Variants in RBPJ observed in about 807,000 individuals in gnomAD.
The protein encoded by RBPJ is recombining binding protein suppressor of hairless.
Under a neutral mutation model 67.8 loss-of-function variants are expected in RBPJ, and 9 were observed. That is an observed-to-expected ratio of 0.13 (90% CI 0.08 to 0.23). The LOEUF is 0.23. RBPJ is among the 10% of genes least tolerant of loss of function. RBPJ has a pLI of 1.00. For missense variants in RBPJ, 305 were observed against 595.6 expected, an observed-to-expected ratio of 0.51 and a Z score of 5.08; for synonymous variants, 198 against 203.3, an observed-to-expected ratio of 0.97 and a Z score of 0.22.
At chr4:26,320,080 T>TCA, upstream of RBPJ, among the ~76,000 whole-genome samples, 1 of 152,160 alleles carries the variant, frequency 6.6e-6, no homozygotes, top group South Asian at 2.1e-4. Context: ...ACACCTGGGC[T>TCA]CACACACGGT....
At chr4:26,294,072 GTTTTTGTTTTT>G (rs1721768436) in intron 1 of RBPJ, among the ~76,000 whole-genome samples, 1 of 28,344 alleles carries the variant, frequency 3.5e-5, no homozygotes, top group Non-Finnish European at 8.4e-5. Flanking sequence ...AGTTGTTTTT[GTTTTTGTTTTT>G]GTTTTTGTTT....
intron 1 of RBPJ, among the ~76,000 whole-genome samples, chr4:26,347,028 A>G (rs1726229684): frequency 6.6e-6 from 1 of 152,140 alleles, no homozygotes; most frequent in Non-Finnish European, 1.5e-5. Context: ...AAATTTGTCA[A>G]GAAGGAAAAA....
At chr4:26,199,683 A>C (rs1717913370) in intron 1 of RBPJ, among the ~76,000 whole-genome samples, 1 of 152,110 alleles carries the variant, frequency 6.6e-6, no homozygotes, top group Admixed American at 6.5e-5. Context: ...TCCAACAGCA[A>C]CTCTGGCACA....
Position 26,215,335 on chromosome 4 carries a change from G to A in RBPJ, c.-167+51721G>A, listed in dbSNP as rs1291105399. ...AGAGAAAGAAAGAAAGAAAAAGAGA[G>A]AGAGAAAGAAAGAAAAAAAGAAGGA... On this transcript the variant is annotated intron_variant, in intron 1 of 4. Transcript: ENST00000512351. Among the ~76,000 whole-genome samples the A allele has an allele frequency of 5.8e-5, 3 of 52,084 alleles. No homozygotes were observed. The Admixed American group carries it at 7.8e-4, about 14-fold the overall frequency. 34.2% of individuals were successfully genotyped at this position (52,084 alleles called of 152,430 possible).
intron 3 of RBPJ, among the ~76,000 whole-genome samples, chr4:26,408,756 G>A (rs1050110821): frequency 1.3e-5 from 2 of 152,194 alleles, no homozygotes; most frequent in Admixed American, 6.5e-5. Context: ...CATTAGTTAG[G>A]AATCTGTGGA....
intron 1 of RBPJ, among the ~76,000 whole-genome samples, chr4:26,287,571 A>G (rs1197968540): frequency 2.4e-5 from 1 of 42,474 alleles, no homozygotes; most frequent in African/African-American, 1.5e-4. Flanking sequence ...AAGGAAAGGA[A>G]AGGAAAGGAC....
chr4:26,325,726 T>A (rs1723558591), intron 1 of RBPJ, among the ~76,000 whole-genome samples: 1 of 152,206 alleles, frequency 6.6e-6, no homozygotes, highest in Non-Finnish European at 1.5e-5. Flanking sequence ...TTTGCCATTT[T>A]CTCTCCATAA....
intron 1 of RBPJ, among the ~76,000 whole-genome samples, chr4:26,279,229 T>C (rs993869725): frequency 2.0e-5 from 3 of 152,176 alleles, no homozygotes; most frequent in African/African-American, 7.2e-5. Context: ...GATGATGCTG[T>C]GAGCCTAGCC....
chr4:26,221,332 C>T (rs1409089391), intron 1 of RBPJ, among the ~76,000 whole-genome samples: 1 of 152,172 alleles, frequency 6.6e-6, no homozygotes, highest in African/African-American at 2.4e-5. Flanking sequence ...CCTCGTGATC[C>T]ACCCGCCTCC....
At position 26,346,018 on chromosome 4, in the gene RBPJ, AAC is replaced by A. The variant is rs146763637; in HGVS notation, c.20+24986_20+24987del. Among the ~76,000 whole-genome samples, 20 of 151,698 alleles carry A rather than the reference AAC, an allele frequency of 1.3e-4. No homozygotes were observed. In the East Asian group the frequency reaches 1.9e-3, roughly 15 times the overall value. On this transcript the variant is annotated intron_variant, in intron 1 of 10. Coordinates refer to ENST00000355476, the MANE Select transcript of RBPJ (RefSeq NM_015874.6). The stretch of plus-strand genomic sequence containing the variant: ...TTTTTCTTCTCCCATTGGAAATTAA[AAC>A]ACACACACACACACAAACACAAATT...
At chr4:26,174,382 G>A (rs1238447030) in intron 1 of RBPJ, among the ~76,000 whole-genome samples, 1 of 152,206 alleles carries the variant, frequency 6.6e-6, no homozygotes, top group Non-Finnish European at 1.5e-5. Context: ...TGATAAGGCA[G>A]GAATCCCTGG....
chr4:26,380,185 A>G (rs1296713892), intron 1 of RBPJ, among the ~76,000 whole-genome samples: 4 of 152,224 alleles, frequency 2.6e-5, no homozygotes, highest in Admixed American at 2.0e-4. Flanking sequence ...TTAATAATGT[A>G]TTTTCAAATA....
At chr4:26,282,924 C>CTTTTTTTTTTT (rs67501530) in intron 1 of RBPJ, among the ~76,000 whole-genome samples, 1 of 61,646 alleles carries the variant, frequency 1.6e-5, no homozygotes, top group Non-Finnish European at 2.7e-5. Flanking sequence ...AGTGTAGATT[C>CTTTTTTTTTTT]TTTTTTTTTT....
chr4:26,287,687 G>A (rs1721527224), intron 1 of RBPJ, among the ~76,000 whole-genome samples: 1 of 97,482 alleles, frequency 1.0e-5, no homozygotes, highest in Non-Finnish European at 1.9e-5. Context: ...AGGAAAGGAA[G>A]GAAAGGAGGG....
chr4:26,392,689 A>T (rs554110321), intron 2 of RBPJ, among the ~76,000 whole-genome samples: 34 of 152,340 alleles, frequency 2.2e-4, no homozygotes, highest in African/African-American at 7.7e-4. Context: ...GATTACAAAA[A>T]GGCAGAAAGG....
intron 1 of RBPJ, among the ~76,000 whole-genome samples, chr4:26,369,500 T>C (rs1389009260): frequency 6.6e-6 from 1 of 152,246 alleles, no homozygotes; most frequent in Admixed American, 6.5e-5. Context: ...TTTGTTTTTG[T>C]AGAAAAACCT....
intron 1 of RBPJ, among the ~76,000 whole-genome samples, chr4:26,338,679 A>G (rs2109387185): frequency 6.6e-6 from 1 of 151,218 alleles, no homozygotes; most frequent in East Asian, 2.0e-4. Flanking sequence ...AGGTTTAAAC[A>G]GTTCTCTGCC....
intron 1 of RBPJ, among the ~76,000 whole-genome samples, chr4:26,192,480 A>G (rs1190824880): frequency 6.6e-6 from 1 of 152,200 alleles, no homozygotes; most frequent in Non-Finnish European, 1.5e-5. Flanking sequence ...CACAGAACAA[A>G]AGGATTATGC....
chr4:26,287,472 G>C (rs2109282343), intron 1 of RBPJ, among the ~76,000 whole-genome samples: 1 of 151,004 alleles, frequency 6.6e-6, no homozygotes, highest in Middle Eastern at 3.4e-3. Flanking sequence ...AAGATCGCTT[G>C]AGTCAGGGAG....
Sources: allele counts gnomAD v4.1 joint callset (sites outside exome capture counted in the v4.1 genomes callset), GRCh38; gene constraint gnomAD v4.1.1; transcripts MANE v1.5; gene names NCBI Gene and HGNC (gene_info 2026-07-23, HGNC 2026-07-21).